Variants in DGKI observed in about 807,000 individuals in gnomAD.
DGKI encodes the protein DAG kinase iota.
DGKI carries 55 observed loss-of-function variants against 147.5 expected under a neutral mutation model. That is an observed-to-expected ratio of 0.37 (90% CI 0.30 to 0.47). DGKI has a LOEUF of 0.47. DGKI is among the 20% of genes least tolerant of loss of function. DGKI has a pLI of 1.00. For synonymous variants in DGKI, 469 were observed against 477.1 expected (o/e 0.98, Z 0.22); for missense variants, 1,007 against 1,323.8 (o/e 0.76, Z 3.71).
chr7:137,802,440 A>C (rs533083018), intron 1 of DGKI, among the ~76,000 whole-genome samples: 2 of 152,298 alleles, frequency 1.3e-5, no homozygotes, highest in East Asian at 3.9e-4. Context: ...AATTTACTAC[A>C]TCATGTCCAC....
intron 1 of DGKI, among the ~76,000 whole-genome samples, chr7:137,776,974 C>G (rs561114625): frequency 6.6e-6 from 1 of 151,880 alleles, no homozygotes; most frequent in East Asian, 1.9e-4. Context: ...TGCTTGAGGC[C>G]AAGAGTTCAA....
chr7:137,783,823 T>C (rs558759181), intron 1 of DGKI, among the ~76,000 whole-genome samples: 22 of 152,340 alleles, frequency 1.4e-4, no homozygotes, highest in African/African-American at 5.3e-4. Context: ...ATTCTATTTT[T>C]AGCCTCCTTA....
At chr7:137,465,668 G>C (rs1814626167) in intron 26 of DGKI, among the ~76,000 whole-genome samples, 1 of 152,182 alleles carries the variant, frequency 6.6e-6, no homozygotes, top group Non-Finnish European at 1.5e-5. Context: ...TGCTTTCTAG[G>C]TTTGTTAGGA....
At chr7:137,537,026 T>A (rs1817543317) in intron 20 of DGKI, among the ~76,000 whole-genome samples, 1 of 152,222 alleles carries the variant, frequency 6.6e-6, no homozygotes, top group African/African-American at 2.4e-5. Flanking sequence ...TTCTTTTCTT[T>A]GGAATTGTCC....
intron 8 of DGKI, among the ~76,000 whole-genome samples, chr7:137,616,479 A>T (rs895964186): frequency 6.6e-6 from 1 of 152,138 alleles, no homozygotes; most frequent in Non-Finnish European, 1.5e-5. Context: ...AAAGTAACCA[A>T]GACTCTAGAG....
intron 30 of DGKI, among the ~76,000 whole-genome samples, chr7:137,406,018 C>CTGGAT (rs1265753554): frequency 6.6e-6 from 1 of 152,050 alleles, no homozygotes; most frequent in Non-Finnish European, 1.5e-5. Flanking sequence ...AGAGAGATTC[C>CTGGAT]TGGATTGTGT....
At chr7:137,686,984 T>C (rs1823440062) in intron 2 of DGKI, among the ~76,000 whole-genome samples, 2 of 152,188 alleles carry the variant, frequency 1.3e-5, no homozygotes, top group Non-Finnish European at 2.9e-5. Flanking sequence ...TTTAATCTTT[T>C]TCCTTACAGA....
intron 20 of DGKI, among the ~76,000 whole-genome samples, chr7:137,524,138 C>A (rs1817060936): frequency 6.8e-6 from 1 of 146,244 alleles, no homozygotes. Flanking sequence ...AACCAGAGAA[C>A]ACTGGGCAGA....
chr7:137,416,108 A>G lies in DGKI; in HGVS notation c.2762-3901T>C, dbSNP rs77215914. 3.3e-5 allele frequency among the ~76,000 whole-genome samples: 5 copies of G among 152,320 alleles called. No individual in the cohort carries two copies. The South Asian group carries it at 1.0e-3, about 32-fold the overall frequency. ...AAGAGAGAGAGAGAAACAGAGAAAG[A>G]AAGGAGAAAGGAGACAGAAAAGGAA... On this transcript the variant is annotated intron_variant, in intron 28 of 32. Coordinates refer to ENST00000614521, the MANE Select transcript of DGKI (RefSeq NM_001321708.2).
rs761819293 is a variant in DGKI, at chr7:137,764,272, C to T, written c.402-74270G>A. The stretch of plus-strand genomic sequence containing the variant: ...TCCTGAGCACACCAGAATTATTGTT[C>T]CAGGTGAACAGATTCTGAACCTTTA... On this transcript the variant is annotated intron_variant, in intron 1 of 32. Transcript: ENST00000614521. Among the ~76,000 whole-genome samples the T allele has an allele frequency of 2.0e-5, 3 of 152,162 alleles. No individual in the cohort carries two copies. The South Asian group carries it at 6.2e-4, about 32-fold the overall frequency.
chr7:137,666,291 T>C (rs938260082), intron 3 of DGKI, among the ~76,000 whole-genome samples: 1 of 152,214 alleles, frequency 6.6e-6, no homozygotes, highest in African/African-American at 2.4e-5. Flanking sequence ...TGGTCCCTGA[T>C]ACTCAGGAGG....
intron 28 of DGKI, among the ~76,000 whole-genome samples, chr7:137,414,143 G>A (rs1019826392): frequency 1.6e-4 from 25 of 152,264 alleles, no homozygotes; most frequent in African/African-American, 5.5e-4. Flanking sequence ...AACCCCCAAA[G>A]CTTTTATATT....
At chr7:137,455,184 C>A (rs4728417) in intron 27 of DGKI, among the ~76,000 whole-genome samples, 108,053 of 151,946 alleles carry the variant, frequency 0.71, 43,176 homozygotes, top group Non-Finnish European at 0.9. Flanking sequence ...CATACCCCAG[C>A]AGCTTTCTGA....
intron 20 of DGKI, among the ~76,000 whole-genome samples, chr7:137,532,777 A>G (rs1358274745): frequency 6.6e-6 from 1 of 152,120 alleles, no homozygotes; most frequent in Non-Finnish European, 1.5e-5. Context: ...TCCCTTCTCT[A>G]ATTCCTGATC....
chr7:137,548,120 G>C (rs1447609620), intron 20 of DGKI, among the ~76,000 whole-genome samples: 1 of 152,188 alleles, frequency 6.6e-6, no homozygotes, highest in Non-Finnish European at 1.5e-5. Flanking sequence ...ATTATGTGAA[G>C]GCAGCAAGGG....
At chr7:137,526,434 T>C (rs1817149052) in intron 20 of DGKI, among the ~76,000 whole-genome samples, 1 of 144,622 alleles carries the variant, frequency 6.9e-6, no homozygotes, top group Non-Finnish European at 1.5e-5. Flanking sequence ...ACTACCCCAA[T>C]TCTCTGCAAC....
intron 23 of DGKI, among the ~76,000 whole-genome samples, chr7:137,478,095 G>C (rs578129732): frequency 2.0e-5 from 3 of 152,126 alleles, no homozygotes; most frequent in African/African-American, 7.2e-5. Flanking sequence ...AAACCAAACA[G>C]AAGTCTAGAA....
At chr7:137,539,351 G>T (rs749046987) in intron 20 of DGKI, among the ~76,000 whole-genome samples, 3 of 152,164 alleles carry the variant, frequency 2.0e-5, no homozygotes, top group Non-Finnish European at 2.9e-5. Context: ...AGACCAGAAA[G>T]TACCAGGGAT....
chr7:137,534,553 G>T (rs915721852), intron 20 of DGKI, among the ~76,000 whole-genome samples: 2 of 151,796 alleles, frequency 1.3e-5, no homozygotes, highest in African/African-American at 4.8e-5. Context: ...GTGAATTTGG[G>T]TCCAGAGATG....
Sources: allele counts gnomAD v4.1 joint callset (sites outside exome capture counted in the v4.1 genomes callset), GRCh38; gene constraint gnomAD v4.1.1; transcripts MANE v1.5; gene names NCBI Gene and HGNC (gene_info 2026-07-23, HGNC 2026-07-21).